The following ZNRF3 variants were observed in gnomAD, a reference collection of about 807,000 sequenced individuals.
ZNRF3 encodes the protein E3 ubiquitin-protein ligase ZNRF3.
Under a neutral mutation model 72.5 loss-of-function variants are expected in ZNRF3, and 23 were observed. That is an observed-to-expected ratio of 0.32 (90% confidence interval 0.23 to 0.45). The LOEUF (loss-of-function observed/expected upper bound fraction) is 0.45. ZNRF3 is among the 20% of genes least tolerant of loss of function. ZNRF3 has a pLI of 1.00. For missense variants in ZNRF3, 1,169 were observed against 1,272.1 expected, an observed-to-expected ratio of 0.92 and a Z score of 1.23; for synonymous variants, 610 against 545.3, an observed-to-expected ratio of 1.12 and a Z score of -1.65.
chr22:28,912,167 G>A (rs1483437368), intron 1 of ZNRF3, among the ~76,000 whole-genome samples: 2 of 152,194 alleles, frequency 1.3e-5, no homozygotes, highest in Non-Finnish European at 2.9e-5. Context: ...ACTTTGGAAT[G>A]TTTAAAGTAG....
In ZNRF3 at chr22:28,991,312, G is replaced by A. The variant is rs367560711; in HGVS notation, c.426+4111G>A. ...AAAAAAAAAAAAAAAAAAAAAAAAA[G>A]AAGAACAGTATGGTCAATAGGCATG... is the stretch of plus-strand genomic sequence containing the variant. On this transcript the variant is annotated intron_variant, in intron 2 of 8. Coordinates refer to ENST00000544604, the MANE Select transcript of ZNRF3 (RefSeq NM_001206998.2). Among the ~76,000 whole-genome samples the A allele has an allele frequency of 5.2e-3, 420 of 80,506 alleles. 3 individuals carry two copies. The highest frequency in any genetic ancestry group is 0.018 in the African/African-American group (351 of 19,632). 52.8% of individuals were successfully genotyped at this position (80,506 alleles called of 152,430 possible).
chr22:28,980,160 A>G (rs1010489951), intron 1 of ZNRF3, among the ~76,000 whole-genome samples: 6 of 151,942 alleles, frequency 3.9e-5, no homozygotes, highest in African/African-American at 7.2e-5. Context: ...AAGAAAATCC[A>G]TATGGAAAAC....
At chr22:28,951,157 A>G (rs534548984) in intron 1 of ZNRF3, among the ~76,000 whole-genome samples, 9 of 152,334 alleles carry the variant, frequency 5.9e-5, no homozygotes, top group African/African-American at 2.2e-4. Flanking sequence ...AAATGCTAAT[A>G]TCTTCTTATA....
chr22:29,046,862 G>T lies in ZNRF3; in HGVS notation c.891G>T (p.Leu297=). ...SSSTSDCAIC[L]EKYIDGEELR... is the part of the protein sequence containing the mutation. The stretch of plus-strand genomic sequence containing the variant: ...CCACGTCCGACTGTGCCATCTGTCT[G>T]GAGAAGTACATTGATGGAGAGGTAA... The change falls in exon 6 of 9, where the codon CTG becomes CTT. Residue 297 remains leucine (L), a synonymous_variant. Coordinates refer to ENST00000544604, the MANE Select transcript of ZNRF3 (RefSeq NM_001206998.2). The T allele has an allele frequency of 6.3e-7, 1 of 1,594,606 alleles. No homozygotes were observed. The highest frequency in any genetic ancestry group is 8.6e-7 in the Non-Finnish European group (1 of 1,169,310).
At chr22:28,894,257 T>C (rs2033950709) in intron 1 of ZNRF3, among the ~76,000 whole-genome samples, 1 of 152,110 alleles carries the variant, frequency 6.6e-6, no homozygotes, top group African/African-American at 2.4e-5. Flanking sequence ...TGTGACCCAC[T>C]GTATGTTTCT....
At chr22:29,042,792 C>T (rs532759681) in intron 3 of ZNRF3, among the ~76,000 whole-genome samples, 176 of 151,496 alleles carry the variant, frequency 1.2e-3, no homozygotes, top group Non-Finnish European at 1.6e-3. Context: ...TTTTTTCCCC[C>T]GAGATGGAGT....
Position 29,050,672 on chromosome 22 carries a change from A to G in ZNRF3, c.2491A>G (p.Ile831Val). Residue 831 changes from isoleucine (I) to valine (V), a missense_variant, in exon 8 of 9, where the codon ATC becomes GTC. Ile to Val is a conservative substitution (Grantham distance 29, BLOSUM62 3). Around this residue, in one of 2 missense-constraint regions of ZNRF3, gnomAD observed 783 missense variants for 731.4 expected, o/e 1.07. Coordinates refer to ENST00000544604, the MANE Select transcript of ZNRF3 (RefSeq NM_001206998.2). ...GARDLSQRIP[I>V]IPEDVDCDLG... ...CCGGGACCTGAGCCAGCGCATCCCC[A>G]TCATTCCAGAGGATGTGGACTGTGA... 1.2e-6 allele frequency: 2 copies of G among 1,612,496 alleles called. No individual in the cohort carries two copies. The highest frequency in any genetic ancestry group is 1.3e-5 in the African/African-American group (1 of 75,032).
At chr22:28,962,005 T>C (rs549426551) in intron 1 of ZNRF3, among the ~76,000 whole-genome samples, 9 of 152,338 alleles carry the variant, frequency 5.9e-5, no homozygotes, top group Non-Finnish European at 1.2e-4. Flanking sequence ...TTGAGGAGAA[T>C]AGGGTAAGAA....
intron 2 of ZNRF3, among the ~76,000 whole-genome samples, chr22:28,995,515 G>A (rs1351943031): frequency 1.3e-5 from 2 of 152,190 alleles, no homozygotes; most frequent in African/African-American, 4.8e-5. Context: ...ATGGAGTGTG[G>A]TTGGTACTTA....
intron 2 of ZNRF3, among the ~76,000 whole-genome samples, chr22:29,041,533 T>C (rs771189404): frequency 7.9e-5 from 12 of 152,130 alleles, no homozygotes; most frequent in Non-Finnish European, 1.6e-4. Flanking sequence ...AACATTCTAA[T>C]CTCATCCCTC....
At chr22:28,994,185 T>TTTTTTTTTTTTTTTTTTTC (rs2036008499) in intron 2 of ZNRF3, among the ~76,000 whole-genome samples, 1 of 98,810 alleles carries the variant, frequency 1.0e-5, no homozygotes, top group Non-Finnish European at 2.0e-5. Flanking sequence ...TCTTTTTTTT[T>TTTTTTTTTTTTTTTTTTTC]TTTTTTTTTT....
chr22:28,945,721 G>C (rs1245425955), intron 1 of ZNRF3, among the ~76,000 whole-genome samples: 18 of 151,826 alleles, frequency 1.2e-4, no homozygotes, highest in Non-Finnish European at 2.9e-5. Context: ...GTAGAGACGG[G>C]GTTTCACCAT....
chr22:28,986,680 AC>A lies in ZNRF3; in HGVS notation c.301-395del, dbSNP rs2123827701. 3 of 983,088 alleles carry A rather than the reference AC, an allele frequency of 3.1e-6. No individual in the cohort carries two copies. The Admixed American group carries it at 1.8e-4, about 60-fold the overall frequency. The allele number at this position is 983,088 out of a possible 1,614,324, so 60.9% of individuals were successfully genotyped here. On this transcript the variant is annotated intron_variant, in intron 1 of 8. Coordinates refer to ENST00000544604, the MANE Select transcript of ZNRF3 (RefSeq NM_001206998.2). ...CATGTTGTTGAAGTCTAGAAGCCAA[AC>A]AATCTTGGATACTAACATAGCTAGT...
At chr22:28,906,926 T>C (rs2034217637) in intron 1 of ZNRF3, among the ~76,000 whole-genome samples, 1 of 152,186 alleles carries the variant, frequency 6.6e-6, no homozygotes, top group Non-Finnish European at 1.5e-5. Flanking sequence ...TGAGCTAAAA[T>C]GTTAATTGCC....
chr22:29,027,468 C>G (rs992647785), intron 2 of ZNRF3, among the ~76,000 whole-genome samples: 1 of 151,996 alleles, frequency 6.6e-6, no homozygotes, highest in Non-Finnish European at 1.5e-5. Flanking sequence ...AGGCTGGTCT[C>G]GAACTCCTGA....
chr22:28,968,930 T>C (rs2035523254), intron 1 of ZNRF3, among the ~76,000 whole-genome samples: 1 of 152,172 alleles, frequency 6.6e-6, no homozygotes, highest in Non-Finnish European at 1.5e-5. Context: ...TCCAAGGACC[T>C]GTAAGCCTAT....
intron 1 of ZNRF3, among the ~76,000 whole-genome samples, chr22:28,903,252 G>A (rs1416248320): frequency 6.6e-6 from 1 of 152,152 alleles, no homozygotes; most frequent in Admixed American, 6.5e-5. Context: ...ACACACACAC[G>A]CACAGCTGGA....
At chr22:28,978,663 A>G (rs1195000325) in intron 1 of ZNRF3, among the ~76,000 whole-genome samples, 2 of 152,218 alleles carry the variant, frequency 1.3e-5, no homozygotes, top group African/African-American at 2.4e-5. Flanking sequence ...CAAAGCGTAC[A>G]TCATGGTTTA....
chr22:28,911,753 C>T (rs932323777), intron 1 of ZNRF3, among the ~76,000 whole-genome samples: 1 of 152,014 alleles, frequency 6.6e-6, no homozygotes. Context: ...AGTTGCCTTT[C>T]GAGTCCTGCC....
Sources: allele counts gnomAD v4.1 joint callset (sites outside exome capture counted in the v4.1 genomes callset), GRCh38; gene constraint gnomAD v4.1.1; regional missense constraint gnomAD v4.1.1; transcripts MANE v1.5; gene names NCBI Gene and HGNC (gene_info 2026-07-23, HGNC 2026-07-21).